The following DENND1B variants were observed in gnomAD, a reference collection of about 807,000 sequenced individuals.
DENND1B encodes DENN domain-containing protein 1B.
In DENND1B, 59 loss-of-function variants were observed where a neutral mutation model predicts 90.1. The observed-to-expected ratio is 0.65, with a 90% CI of 0.53 to 0.81. The LOEUF is 0.81. DENND1B is among the 40% of genes least tolerant of loss of function. The pLI, the probability that DENND1B is intolerant of heterozygous loss-of-function variation, is 0.00. For missense variants in DENND1B, 862 were observed against 912.6 expected (o/e 0.94, Z 0.71); for synonymous variants, 337 against 324.6 (o/e 1.04, Z -0.41).
At chr1:197,638,140 G>A (rs566777567) in intron 10 of DENND1B, among the ~76,000 whole-genome samples, 1 of 152,202 alleles carries the variant, frequency 6.6e-6, no homozygotes, top group African/African-American at 2.4e-5. Flanking sequence ...GAATTAATGA[G>A]AGGAGAGAAA....
At chr1:197,652,879 TATA>T (rs2125938156) in intron 6 of DENND1B, among the ~76,000 whole-genome samples, 1 of 152,202 alleles carries the variant, frequency 6.6e-6, no homozygotes, top group South Asian at 2.1e-4. Context: ...ATAGGATTTG[TATA>T]ATAATAATGT....
At chr1:197,609,251 A>C (rs2125842837) in intron 12 of DENND1B, among the ~76,000 whole-genome samples, 1 of 150,844 alleles carries the variant, frequency 6.6e-6, no homozygotes, top group East Asian at 1.9e-4. Context: ...AAGTTAGTGA[A>C]GTCTTTCTCA....
At chr1:197,512,273 C>T (rs1035373284) in intron 21 of DENND1B, among the ~76,000 whole-genome samples, 1 of 151,618 alleles carries the variant, frequency 6.6e-6, no homozygotes, top group Non-Finnish European at 1.5e-5. Flanking sequence ...CCTAAATTCA[C>T]TTTCAATATT....
At chr1:197,593,315 C>A (rs1675399442) in intron 14 of DENND1B, among the ~76,000 whole-genome samples, 2 of 139,974 alleles carry the variant, frequency 1.4e-5, no homozygotes, top group Non-Finnish European at 3.1e-5. Context: ...AAGACTGAGT[C>A]AGAAAAAATG....
chr1:197,541,861 T>C (rs907163933), intron 18 of DENND1B, among the ~76,000 whole-genome samples: 1 of 152,210 alleles, frequency 6.6e-6, no homozygotes, highest in African/African-American at 2.4e-5. Flanking sequence ...AGGGAGACTG[T>C]AATCTAGCTA....
chr1:197,669,711 T>A (rs936312970), intron 5 of DENND1B, among the ~76,000 whole-genome samples: 1 of 152,088 alleles, frequency 6.6e-6, no homozygotes, highest in Admixed American at 6.5e-5. Context: ...AAATTTAAGA[T>A]TTTCCTCTAT....
At chr1:197,601,424 A>C (rs1360725480) in intron 13 of DENND1B, among the ~76,000 whole-genome samples, 1 of 151,726 alleles carries the variant, frequency 6.6e-6, no homozygotes, top group Non-Finnish European at 1.5e-5. Context: ...TCACAATATT[A>C]CACACAAAAA....
chr1:197,529,272 A>G (rs5003647), intron 20 of DENND1B, among the ~76,000 whole-genome samples: 1,255 of 10,656 alleles, frequency 0.12, 27 homozygotes, highest in African/African-American at 0.21. Context: ...GTGTGTGTAT[A>G]TGTATATATG....
intron 3 of DENND1B, among the ~76,000 whole-genome samples, chr1:197,714,024 T>C (rs988995938): frequency 2.2e-4 from 33 of 147,814 alleles, no homozygotes; most frequent in African/African-American, 7.5e-4. Flanking sequence ...GAGTCTCACA[T>C]TGGTTGCCCA....
intron 3 of DENND1B, among the ~76,000 whole-genome samples, chr1:197,713,781 TATATTATA>T (rs1191525907): frequency 3.0e-4 from 5 of 16,488 alleles, no homozygotes; most frequent in East Asian, 2.7e-3. Context: ...ATTATTATAT[TATATTATA>T]ATATTATTAT....
intron 20 of DENND1B, among the ~76,000 whole-genome samples, chr1:197,520,065 A>G (rs1419890956): frequency 6.6e-6 from 1 of 151,880 alleles, no homozygotes; most frequent in Non-Finnish European, 1.5e-5. Context: ...ACAGGTCCTG[A>G]TAATGAAGAG....
Position 197,541,006 on chromosome 1 carries a change from G to C in DENND1B, c.1360C>G (p.His454Asp). The C allele has an allele frequency of 6.2e-7, 1 of 1,612,326 alleles. No homozygotes were observed. The highest frequency in any genetic ancestry group is 8.5e-7 in the Non-Finnish European group (1 of 1,179,074). The change falls in exon 19 of 23, where the codon CAT becomes GAT. Residue 454 changes from histidine to aspartate, a missense_variant. By Grantham distance (81) the His-to-Asp change is moderately conservative. Transcript: ENST00000620048. The stretch of plus-strand genomic sequence containing the variant: ...ACTTCCTTTAGTCCCAGCTTTGCAT[G>C]ATTTTTTGCCTAGAAAATGATAATG... ...VRTAYKFAKN[H>D]AKLGLKEVKS...
intron 10 of DENND1B, among the ~76,000 whole-genome samples, chr1:197,640,948 C>A (rs1451386681): frequency 6.6e-6 from 1 of 152,080 alleles, no homozygotes; most frequent in Non-Finnish European, 1.5e-5. Context: ...CTCAAAAAAA[C>A]AAACAAACAA....
intron 13 of DENND1B, among the ~76,000 whole-genome samples, chr1:197,605,310 T>C (rs1676571599): frequency 6.6e-6 from 1 of 151,014 alleles, no homozygotes. Flanking sequence ...AAATAAATGT[T>C]CTAATCATCA....
At chr1:197,635,493 C>T (rs1679703684) in intron 10 of DENND1B, among the ~76,000 whole-genome samples, 1 of 151,468 alleles carries the variant, frequency 6.6e-6, no homozygotes, top group South Asian at 2.1e-4. Flanking sequence ...TGTGACACCA[C>T]ACCCAGCTAA....
rs769278385 is a variant in DENND1B, at chr1:197,510,527, T to A, written c.2261A>T (p.His754Leu). Residue 754 changes from histidine (H) to leucine (L), a missense_variant, in exon 23 of 23, where the codon CAT becomes CTT. Coordinates refer to ENST00000620048, the MANE Select transcript of DENND1B (RefSeq NM_001195215.2). ...GCTTTGTTGGAAGTCAGATGTCATATGACATAATGACACTACTTCATGGAG... is the reference window on the plus strand; with the variant it reads ...GCTTTGTTGGAAGTCAGATGTCATAAGACATAATGACACTACTTCATGGAG... ...GLLHEVVSLC[H>L]MTSDFQQSLN... 7.4e-6 allele frequency: 12 copies of A among 1,612,226 alleles called. No homozygotes were observed. The East Asian group carries it at 2.2e-4, about 30-fold the overall frequency.
At chr1:197,587,399 G>A (rs1006757215) in intron 14 of DENND1B, among the ~76,000 whole-genome samples, 1 of 151,922 alleles carries the variant, frequency 6.6e-6, no homozygotes, top group African/African-American at 2.4e-5. Context: ...ACAGTGATGG[G>A]GCAAAAAGAA....
chr1:197,664,396 G>A (rs561434674), intron 5 of DENND1B, among the ~76,000 whole-genome samples: 2 of 152,174 alleles, frequency 1.3e-5, no homozygotes, highest in South Asian at 2.1e-4. Context: ...AAAACATTAT[G>A]AGCAATTATT....
Position 197,529,332 on chromosome 1 carries a change from A to ATG in DENND1B, c.1515+10630_1515+10631dup, listed in dbSNP as rs145161367. ...TATGTATATATATGTGTGTATATAT[A>ATG]TGTGTGTGTGTGTGTGTGCACGCGC... On this transcript the variant is annotated intron_variant, in intron 20 of 22. Transcript: ENST00000620048. 4.2e-3 allele frequency among the ~76,000 whole-genome samples: 606 copies of ATG among 143,478 alleles called. 3 individuals are homozygous for ATG. Among genetic ancestry groups the ATG allele is most frequent in the African/African-American group, 9.6e-3 (362 of 37,688 alleles). The allele number at this position is 143,478 out of a possible 152,430, so 94.1% of individuals were successfully genotyped here. A position where few individuals can be genotyped will look rare whatever the true frequency, so the allele number is the denominator to read the frequency against.
Sources: allele counts gnomAD v4.1 joint callset (sites outside exome capture counted in the v4.1 genomes callset), GRCh38; gene constraint gnomAD v4.1.1; transcripts MANE v1.5; gene names NCBI Gene and HGNC (gene_info 2026-07-23, HGNC 2026-07-21).